Variants in PTPRF observed in about 807,000 individuals in gnomAD.
PTPRF encodes receptor-type tyrosine-protein phosphatase F.
A neutral mutation model predicts 201.8 loss-of-function variants in PTPRF; 59 were observed. That is an observed-to-expected ratio of 0.29 (90% CI 0.24 to 0.36). The LOEUF (loss-of-function observed/expected upper bound fraction) is 0.36, where lower values mean the gene tolerates loss of function less well. Ranked by LOEUF, PTPRF falls within the 10% of genes least tolerant of loss-of-function variation. The probability of loss-of-function intolerance (pLI) is 1.00; values close to 1 mark genes in which losing one functional copy is unlikely to be tolerated. For synonymous variants in PTPRF, 1,088 were observed against 1,089.7 expected (o/e 1.00, Z 0.03); for missense variants, 2,132 against 2,690.5 (o/e 0.79, Z 4.59).
upstream of PTPRF, among the ~76,000 whole-genome samples, chr1:43,529,310 C>G (rs1437228675): frequency 6.6e-6 from 1 of 152,184 alleles, no homozygotes; most frequent in Non-Finnish European, 1.5e-5. Flanking sequence ...AGGGGGCGCA[C>G]ACGCACTGTT....
At chr1:43,533,537 C>T (rs557198619) in intron 1 of PTPRF, among the ~76,000 whole-genome samples, 7 of 152,256 alleles carry the variant, frequency 4.6e-5, no homozygotes, top group African/African-American at 1.7e-4. Context: ...TTGTGATACA[C>T]ACCACGGCTC....
chr1:43,580,151 C>T (rs973135178), intron 7 of PTPRF: 1 of 151,976 alleles, frequency 6.6e-6, no homozygotes, highest in Non-Finnish European at 1.5e-5. Context: ...TTCCATCACG[C>T]CAAGTGCTTA....
intron 7 of PTPRF, among the ~76,000 whole-genome samples, chr1:43,585,467 G>T (rs903092494): frequency 2.6e-5 from 4 of 152,200 alleles, no homozygotes; most frequent in African/African-American, 9.7e-5. Context: ...AGTGAAGGTG[G>T]TGTGCCCAGG....
chr1:43,567,337 G>A (rs2153985541), intron 5 of PTPRF, among the ~76,000 whole-genome samples: 1 of 152,270 alleles, frequency 6.6e-6, no homozygotes, highest in Middle Eastern at 3.4e-3. Flanking sequence ...CTTCATTTCC[G>A]TCCTCCTTCC....
chr1:43,589,462 C>T (rs1650040855), intron 8 of PTPRF, among the ~76,000 whole-genome samples: 1 of 151,946 alleles, frequency 6.6e-6, no homozygotes, highest in Admixed American at 6.6e-5. Flanking sequence ...TTAATAGCCT[C>T]CCAGCAAGAA....
chr1:43,536,048 G>A (rs146162434), intron 1 of PTPRF, among the ~76,000 whole-genome samples: 1 of 152,246 alleles, frequency 6.6e-6, no homozygotes, highest in African/African-American at 2.4e-5. Context: ...GGATTACAGG[G>A]GTGAGCCACT....
At chr1:43,529,722 C>G (rs996881405), upstream of PTPRF, among the ~76,000 whole-genome samples, 22 of 152,042 alleles carry the variant, frequency 1.4e-4, no homozygotes, top group African/African-American at 5.3e-4. Context: ...GGGGCGGGGT[C>G]TGGAGGCAGG....
chr1:43,563,975 G>A (rs935957449), intron 5 of PTPRF, among the ~76,000 whole-genome samples: 3 of 152,284 alleles, frequency 2.0e-5, no homozygotes, highest in Admixed American at 6.5e-5. Context: ...AGGGAAACCC[G>A]AGGAAGGAGG....
intron 6 of PTPRF, among the ~76,000 whole-genome samples, chr1:43,572,097 C>T (rs1385636014): frequency 1.3e-5 from 2 of 152,218 alleles, no homozygotes; most frequent in Non-Finnish European, 2.9e-5. Flanking sequence ...CTTCCGGCTG[C>T]TCCACTTGAA....
At position 43,603,469 on chromosome 1, in the gene PTPRF, T is replaced by C. The variant is rs1654293368; in HGVS notation, c.2394T>C (p.Ala798=). ...TPETTYSVTV[A]AYTTKGDGAR... ...AGACCACCTACTCCGTTACTGTTGC[T>C]GCCTATACCACCAAGGGGGATGGTG... Residue 798 remains alanine (A), a synonymous_variant, in exon 15 of 34, where the codon GCT becomes GCC. Coordinates refer to ENST00000359947, the MANE Select transcript of PTPRF (RefSeq NM_002840.5). This position sits in a 1 kb window ranked among gnomAD's most constrained non-coding sequence, Gnocchi z 5.8. 6.2e-7 allele frequency: 1 copy of C among 1,614,042 alleles called. No individual in the cohort carries two copies. The highest frequency in any genetic ancestry group is 8.5e-7 in the Non-Finnish European group (1 of 1,180,020).
rs779172163 is a variant in PTPRF, at chr1:43,620,045, C to T, written c.5112-50C>T. 168 of 1,610,610 alleles carry T rather than the reference C, an allele frequency of 1.0e-4. 2 individuals carry two copies. In the Admixed American group the frequency reaches 2.8e-3, roughly 26 times the overall value. On this transcript the variant is annotated intron_variant, in intron 29 of 33. Transcript: ENST00000359947. Reference sequence around the variant, plus strand: ...AGGGGCTAGGCAGCCTAAGGGGAGACTCTAGGGGCAGCAGCACCTCCAGCA... The same window carrying T: ...AGGGGCTAGGCAGCCTAAGGGGAGATTCTAGGGGCAGCAGCACCTCCAGCA...
intron 26 of PTPRF, 70 bp downstream of exon 26, chr1:43,618,819 T>C (rs1658490336): frequency 6.4e-7 from 1 of 1,562,488 alleles, no homozygotes; most frequent in Non-Finnish European, 8.7e-7. Context: ...TGTGGTGTGC[T>C]GGGTCGGGGG....
At chr1:43,552,058 T>C (rs969949833) in intron 3 of PTPRF, among the ~76,000 whole-genome samples, 5 of 152,072 alleles carry the variant, frequency 3.3e-5, no homozygotes, top group Admixed American at 2.0e-4. Context: ...TTTCCCTCTC[T>C]GCTGGCTCCC....
intron 11 of PTPRF, 120 bp downstream of exon 11, chr1:43,592,721 G>A (rs1406254005): frequency 1.3e-5 from 16 of 1,225,536 alleles, no homozygotes; most frequent in Non-Finnish European, 1.5e-5. Flanking sequence ...TGGCCAAACC[G>A]AACTCTGGCC....
Position 43,538,221 on chromosome 1 carries a change from C to T in PTPRF, c.-102C>T, listed in dbSNP as rs532583768. On this transcript the variant is annotated 5_prime_UTR_variant, in exon 2 of 34. Transcript: ENST00000359947. Reference sequence around the variant, plus strand: ...AGGAAGGAGTGGAGGCCCTGGTGCCCGGCCCTTGGTGCTGAGTATCCAGCA... The same window carrying T: ...AGGAAGGAGTGGAGGCCCTGGTGCCTGGCCCTTGGTGCTGAGTATCCAGCA... The T allele has an allele frequency of 1.8e-5, 7 of 398,542 alleles. 1 individual carries two copies. In the South Asian group the frequency reaches 6.4e-4, roughly 36 times the overall value. 24.7% of individuals were successfully genotyped at this position (398,542 alleles called of 1,614,324 possible). A position where few individuals can be genotyped will look rare whatever the true frequency, so the allele number is the denominator to read the frequency against.
rs1285802515 is a variant in PTPRF, at chr1:43,607,023, C to T, written c.3857+55C>T. On this transcript the variant is annotated intron_variant, in intron 21 of 33. Transcript: ENST00000359947. ...GGCCACCTGCCCCTCGCCTTTCAGG[C>T]CCTCTCCGGGTGTGGTGCCTGTGGA... The T allele has an allele frequency of 2.5e-6, 4 of 1,593,730 alleles. No individual in the cohort carries two copies. The South Asian group carries it at 4.5e-5, about 18-fold the overall frequency.
intron 6 of PTPRF, among the ~76,000 whole-genome samples, chr1:43,572,636 G>A (rs1223106080): frequency 6.6e-6 from 1 of 152,188 alleles, no homozygotes; most frequent in Non-Finnish European, 1.5e-5. Flanking sequence ...TTCATGGAGT[G>A]GACTCAGGCC....
chr1:43,604,251 C>G (rs535248583), intron 16 of PTPRF, 62 bp downstream of exon 16: 1 of 1,531,442 alleles, frequency 6.5e-7, no homozygotes, highest in Non-Finnish European at 8.9e-7. Flanking sequence ...TCTCTGCTCT[C>G]CTTGAGCCAC....
intron 5 of PTPRF, among the ~76,000 whole-genome samples, chr1:43,563,951 C>T (rs909061483): frequency 3.3e-5 from 5 of 151,748 alleles, no homozygotes; most frequent in African/African-American, 9.7e-5. Flanking sequence ...TTGAGTAGGG[C>T]GATGTGGGGT....
Sources: allele counts gnomAD v4.1 joint callset (sites outside exome capture counted in the v4.1 genomes callset), GRCh38; gene constraint gnomAD v4.1.1; non-coding constraint Gnocchi (gnomAD v3.1); transcripts MANE v1.5; gene names NCBI Gene and HGNC (gene_info 2026-07-23, HGNC 2026-07-21).